The following RAD51B variants were observed in gnomAD, a reference collection of about 807,000 sequenced individuals.
RAD51B encodes DNA repair protein RAD51 homolog 2.
A neutral mutation model predicts 42.2 loss-of-function variants in RAD51B; 38 were observed. The ratio of observed to expected loss-of-function variants is 0.90; its 90% CI spans 0.70 to 1.18. RAD51B has a LOEUF of 1.18. Ranked by LOEUF, RAD51B falls within the 50% of genes most tolerant of loss-of-function variation. The pLI is 0.00. For missense variants in RAD51B, 373 were observed against 400.7 expected (o/e 0.93, Z 0.59); for synonymous variants, 154 against 145.2 (o/e 1.06, Z -0.43).
intron 7 of RAD51B, among the ~76,000 whole-genome samples, chr14:67,928,745 A>G (rs1291079227): frequency 6.6e-6 from 1 of 152,062 alleles, no homozygotes; most frequent in Non-Finnish European, 1.5e-5. Context: ...TTCTGTTAGA[A>G]AAGAAATGGT....
intron 10 of RAD51B, among the ~76,000 whole-genome samples, chr14:68,517,832 G>A (rs889985944): frequency 6.6e-6 from 1 of 152,132 alleles, no homozygotes; most frequent in Admixed American, 6.6e-5. Context: ...ACTTGTCAAA[G>A]GTATATGGAT....
intron 7 of RAD51B, among the ~76,000 whole-genome samples, chr14:67,986,208 T>C (rs985773396): frequency 2.0e-5 from 3 of 152,270 alleles, no homozygotes; most frequent in Non-Finnish European, 4.4e-5. Context: ...CGTATGATAC[T>C]TAGCCTATGA....
chr14:68,141,926 AC>A (rs1464515017), intron 7 of RAD51B, among the ~76,000 whole-genome samples: 1 of 152,098 alleles, frequency 6.6e-6, no homozygotes, highest in East Asian at 1.9e-4. Flanking sequence ...CTTTCAAAGT[AC>A]CTTTTATCAC....
At chr14:68,215,024 G>T (rs2079784745) in intron 7 of RAD51B, among the ~76,000 whole-genome samples, 1 of 152,120 alleles carries the variant, frequency 6.6e-6, no homozygotes, top group Non-Finnish European at 1.5e-5. Context: ...AGGTATTTAG[G>T]ACTTTTAGGA....
At position 68,669,069 on chromosome 14, in the gene RAD51B, G is replaced by T. The variant is rs75565653; in HGVS notation, c.*11+18213G>T. 3.9e-4 allele frequency among the ~76,000 whole-genome samples: 59 copies of T among 152,354 alleles called. 1 individual carries two copies. In the East Asian group the frequency reaches 8.5e-3, roughly 22 times the overall value. ...AGAGTCTTACCTGTTGAAAACTCAT[G>T]CAACTTAAAGTTCCTTCATCACGGA... is the stretch of plus-strand genomic sequence containing the variant. On this transcript the variant is annotated intron_variant, in intron 11 of 11. Coordinates refer to the RAD51B transcript ENST00000488612.
intron 10 of RAD51B, among the ~76,000 whole-genome samples, chr14:68,648,148 C>CACACACGTATATATATATAT (rs1566963658): frequency 1.3e-5 from 1 of 77,712 alleles, no homozygotes; most frequent in Non-Finnish European, 2.7e-5. Context: ...TATATATATA[C>CACACACGTATATATATATAT]ACACACGTAT....
chr14:67,900,584 G>C (rs1358527229), intron 7 of RAD51B, among the ~76,000 whole-genome samples: 1 of 139,634 alleles, frequency 7.2e-6, no homozygotes, highest in Non-Finnish European at 1.5e-5. Context: ...TGACTCAAAG[G>C]ATCTTCTTTC....
intron 5 of RAD51B, among the ~76,000 whole-genome samples, chr14:67,870,003 G>A (rs1214078676): frequency 2.0e-5 from 3 of 151,434 alleles, no homozygotes; most frequent in African/African-American, 7.3e-5. Context: ...AAAGACCATC[G>A]AGACTAGGAA....
chr14:68,345,234 G>C (rs1172446276), intron 8 of RAD51B, among the ~76,000 whole-genome samples: 1 of 152,146 alleles, frequency 6.6e-6, no homozygotes, highest in African/African-American at 2.4e-5. Flanking sequence ...TATTGAGAAA[G>C]GATGATTATA....
intron 10 of RAD51B, among the ~76,000 whole-genome samples, chr14:68,618,176 G>C (rs1891864454): frequency 6.6e-6 from 1 of 152,174 alleles, no homozygotes; most frequent in Admixed American, 6.5e-5. Context: ...TTCCCAGGTG[G>C]CTGGCTATCT....
rs58042755 is a variant in RAD51B at position 68,383,644 on chromosome 14, G to GA, written c.854-27768dup. ...ATGTTTATTCCCAATAGCAGTGAAT[G>GA]AAAAAAAAAAAACACAATGAATTTC... On this transcript the variant is annotated intron_variant, in intron 8 of 10. Transcript: ENST00000471583. Among the ~76,000 whole-genome samples, 1,186 of 141,618 alleles carry GA rather than the reference G, an allele frequency of 8.4e-3. 44 individuals are homozygous for GA. In the East Asian group the frequency reaches 0.13, roughly 15 times the overall value. The allele number at this position is 141,618 out of a possible 152,430, so 92.9% of individuals were successfully genotyped here.
chr14:68,408,657 C>G (rs2084342009), intron 8 of RAD51B, among the ~76,000 whole-genome samples: 2 of 152,092 alleles, frequency 1.3e-5, no homozygotes, highest in African/African-American at 4.8e-5. Flanking sequence ...GGAAATTATA[C>G]TTAAAAAGCA....
chr14:68,085,338 C>A (rs970071954), intron 7 of RAD51B, among the ~76,000 whole-genome samples: 5 of 151,992 alleles, frequency 3.3e-5, no homozygotes, highest in African/African-American at 1.2e-4. Context: ...TAATTGAAAT[C>A]AAGGAAGTAG....
chr14:68,254,390 C>G (rs755134410), intron 7 of RAD51B, among the ~76,000 whole-genome samples: 15 of 152,192 alleles, frequency 9.9e-5, no homozygotes, highest in Non-Finnish European at 1.9e-4. Context: ...AGAGGAAAGC[C>G]ACATCTCCAT....
At chr14:67,851,452 C>T (rs961569445) in intron 4 of RAD51B, among the ~76,000 whole-genome samples, 9 of 152,032 alleles carry the variant, frequency 5.9e-5, no homozygotes, top group South Asian at 2.1e-4. Flanking sequence ...ATGTAGGGGT[C>T]GGCTATGTGC....
intron 7 of RAD51B, among the ~76,000 whole-genome samples, chr14:68,272,010 C>T (rs1240719453): frequency 6.6e-6 from 1 of 152,196 alleles, no homozygotes; most frequent in Non-Finnish European, 1.5e-5. Flanking sequence ...GAAAATGAAA[C>T]AGCAAGCAAT....
Position 68,056,191 on chromosome 14 carries a change from C to G in RAD51B, c.756+168987C>G, listed in dbSNP as rs374585088. Among the ~76,000 whole-genome samples the G allele has an allele frequency of 2.4e-4, 36 of 152,194 alleles. No individual in the cohort carries two copies. The East Asian group carries it at 6.8e-3, about 29-fold the overall frequency. ...GTTTTGTTTTTGAGACAGGGTCTCG[C>G]TTTGTCACCCAGGTTGGAGTGTAGT... On this transcript the variant is annotated intron_variant, in intron 7 of 10. Coordinates refer to ENST00000471583, the MANE Select transcript of RAD51B (RefSeq NM_133510.4).
chr14:67,822,144 G>A (rs769241464), intron 1 of RAD51B: 1 of 152,072 alleles, frequency 6.6e-6, no homozygotes, highest in Non-Finnish European at 1.5e-5. Context: ...CTTCTTTTCT[G>A]ATAACTATAT....
chr14:67,877,436 C>T (rs2042763151), intron 5 of RAD51B, among the ~76,000 whole-genome samples: 1 of 152,034 alleles, frequency 6.6e-6, no homozygotes, highest in Non-Finnish European at 1.5e-5. Context: ...AGAAAAGATC[C>T]AAGTAGTGTT....
Sources: gnomAD v4.1 joint callset for allele counts (sites outside exome capture counted in the v4.1 genomes callset) on GRCh38, gnomAD v4.1.1 for gene constraint, MANE v1.5 for transcripts, NCBI Gene and HGNC (gene_info 2026-07-23, HGNC 2026-07-21) for gene names.